OR6C75: variants seen among roughly 807,000 people sequenced by gnomAD.
OR6C75 encodes olfactory receptor 6C75.
For synonymous variants in OR6C75, 149 were observed against 130.6 expected (o/e 1.14, Z -0.96); for missense variants, 380 against 368.0 (o/e 1.03, Z -0.27).
Position 55,365,904 on chromosome 12 carries a change from G to T in OR6C75, c.794G>T (p.Arg265Met), listed in dbSNP as rs908497385. The T allele has an allele frequency of 1.9e-6, 3 of 1,613,842 alleles. No individual in the cohort carries two copies. The highest frequency in any genetic ancestry group is 2.2e-5 in the East Asian group (1 of 44,878). The change falls in exon 3 of 3, where the codon AGG becomes ATG. Residue 265 changes from arginine to methionine, a missense_variant. Physicochemically the swap from Arg to Met is moderately conservative, Grantham distance 91. Transcript: ENST00000641576. ...FMYIKTSARE[R>M]VTLSKGVAVL... ...TACATTAAGACTTCTGCCAGAGAAA[G>T]GGTGACTTTAAGCAAAGGAGTAGCT...
Position 55,365,671 on chromosome 12 carries a change from C to A in OR6C75, c.561C>A (p.Cys187Ter). ...CDSSPMLQLS[C>*]TNTHFLELMA... The stretch of plus-strand genomic sequence containing the variant: ...CTTCTCCAATGCTGCAGCTCTCTTG[C>A]ACAAACACTCACTTTCTAGAACTCA... Residue 187 changes from cysteine to a stop codon, truncating the protein, a stop_gained, in exon 3 of 3, where the codon TGC becomes TGA. Coordinates refer to ENST00000641576, the MANE Select transcript of OR6C75 (RefSeq NM_001005497.2). LOFTEE classifies it low-confidence loss of function (END_TRUNC). 6.2e-7 allele frequency: 1 copy of A among 1,614,132 alleles called. No homozygotes were observed. Among genetic ancestry groups the A allele is most frequent in the Non-Finnish European group, 8.5e-7 (1 of 1,180,006 alleles).
Position 55,365,460 on chromosome 12 carries a change from C to G in OR6C75, c.350C>G (p.Ser117Cys), listed in dbSNP as rs536581133. Residue 117 changes from serine (S) to cysteine (C), a missense_variant, in exon 3 of 3, where the codon TCC (serine) becomes TGC (cysteine). By Grantham distance (112) the Ser-to-Cys change is moderately radical. Coordinates refer to ENST00000641576, the MANE Select transcript of OR6C75 (RefSeq NM_001005497.2). ...GAATTTTACCTTCTGGCTGCCATGTCCTATGACCGCTGCATGGCCATCTGC... is the reference window on the plus strand; with the variant it reads ...GAATTTTACCTTCTGGCTGCCATGTGCTATGACCGCTGCATGGCCATCTGC... ...VTEFYLLAAMSYDRCMAICKP... is the reference protein window; with the variant it reads ...VTEFYLLAAMCYDRCMAICKP... 8.9e-5 allele frequency: 143 copies of G among 1,613,832 alleles called. No individual in the cohort carries two copies. Among genetic ancestry groups the G allele is most frequent in the Non-Finnish European group, 1.2e-4 (137 of 1,179,970 alleles).
At position 55,366,418 on chromosome 12, in the gene OR6C75, AC is replaced by A. The variant is rs1277887329; in HGVS notation, c.*370del. 2 of 152,800 alleles carry A rather than the reference AC, an allele frequency of 1.3e-5. No individual in the cohort carries two copies. The highest frequency in any genetic ancestry group is 4.8e-5 in the African/African-American group (2 of 41,470). The allele number at this position is 152,800 out of a possible 1,614,324, so 9.5% of individuals were successfully genotyped here. The stretch of plus-strand genomic sequence containing the variant: ...GCACAATGTGCACATGTACCTTAAA[AC>A]TTAAAGTATAATAAAAAATAATAAT... On this transcript the variant is annotated 3_prime_UTR_variant, in exon 3 of 3. Transcript: ENST00000641576.
In OR6C75 at chr12:55,365,668, T is replaced by G; in HGVS notation, c.558T>G (p.Ser186=). 1 of 1,614,178 alleles carries G rather than the reference T, an allele frequency of 6.2e-7. No individual in the cohort carries two copies. ...ACTCTTCTCCAATGCTGCAGCTCTC[T>G]TGCACAAACACTCACTTTCTAGAAC... ...ICDSSPMLQL[S]CTNTHFLELM... The change falls in exon 3 of 3, where the codon TCT becomes TCG. Residue 186 remains serine (S), a synonymous_variant. Transcript: ENST00000641576.
At chr12:55,364,589 A>T (rs984940233) in intron 2 of OR6C75, among the ~76,000 whole-genome samples, 1 of 151,660 alleles carries the variant, frequency 6.6e-6, no homozygotes, top group African/African-American at 2.4e-5. Flanking sequence ...AGCCTCCCAA[A>T]CTGCTGGGAT....
chr12:55,366,589 C>A lies in OR6C75; in HGVS notation c.*540C>A, dbSNP rs1264902282. 6.6e-6 allele frequency: 1 copy of A among 151,868 alleles called. No individual in the cohort carries two copies. Among genetic ancestry groups the A allele is most frequent in the Non-Finnish European group, 1.5e-5 (1 of 67,936 alleles). The allele number at this position is 151,868 out of a possible 1,614,324, so 9.4% of individuals were successfully genotyped here. On this transcript the variant is annotated 3_prime_UTR_variant, in exon 3 of 3. Transcript: ENST00000641576. ...TTAATTAATATATCTAAAATTTTTT[C>A]TTCAATGTCACCAGGAAAAACATGT...
In OR6C75 at chr12:55,365,647, T is replaced by G; in HGVS notation, c.537T>G (p.Ser179=). 6.2e-7 allele frequency: 1 copy of G among 1,614,132 alleles called. No homozygotes were observed. Among genetic ancestry groups the G allele is most frequent in the South Asian group, 1.1e-5 (1 of 91,084 alleles). Reference sequence around the variant, plus strand: ...TAATTGATCATTTTATCTGTGACTCTTCTCCAATGCTGCAGCTCTCTTGCA... The same window carrying G: ...TAATTGATCATTTTATCTGTGACTCGTCTCCAATGCTGCAGCTCTCTTGCA... The part of the protein sequence containing the change: ...SNVIDHFICD[S]SPMLQLSCTN... Residue 179 remains serine (S), a synonymous_variant, in exon 3 of 3, where the codon TCT becomes TCG. Coordinates refer to ENST00000641576, the MANE Select transcript of OR6C75 (RefSeq NM_001005497.2).
rs1869812361 is a variant in OR6C75, at chr12:55,366,611, A to T, written c.*562A>T. On this transcript the variant is annotated 3_prime_UTR_variant, in exon 3 of 3. Coordinates refer to ENST00000641576, the MANE Select transcript of OR6C75 (RefSeq NM_001005497.2). The stretch of plus-strand genomic sequence containing the variant: ...TTTCTTCAATGTCACCAGGAAAAAC[A>T]TGTTATAAAACTAAAAGCATCATTA... 1 of 152,248 alleles carries T rather than the reference A, an allele frequency of 6.6e-6. No homozygotes were observed. Among genetic ancestry groups the T allele is most frequent in the South Asian group, 2.1e-4 (1 of 4,826 alleles). The allele number at this position is 152,248 out of a possible 1,614,324, so 9.4% of individuals were successfully genotyped here. A position where few individuals can be genotyped will look rare whatever the true frequency, so the allele number is the denominator to read the frequency against.
Position 55,365,109 on chromosome 12 carries a change from T to A in OR6C75, c.-2T>A. The A allele has an allele frequency of 6.3e-7, 1 of 1,598,260 alleles. No individual in the cohort carries two copies. Among genetic ancestry groups the A allele is most frequent in the Non-Finnish European group, 8.5e-7 (1 of 1,172,572 alleles). ...CAGAATACTTTTCTAAAGAAAAAAA[T>A]AATGAGAAATTCCACAGCAGTAACA... On this transcript the variant is annotated 5_prime_UTR_variant, in exon 3 of 3. Transcript: ENST00000641576.
intron 2 of OR6C75, among the ~76,000 whole-genome samples, chr12:55,364,547 G>C (rs912820303): frequency 6.8e-6 from 1 of 147,592 alleles, no homozygotes; most frequent in Non-Finnish European, 1.5e-5. Context: ...GGCTGGTCTC[G>C]AACTCCTGAC....
At chr12:55,363,629 T>C (rs1330955657) in intron 1 of OR6C75, among the ~76,000 whole-genome samples, 164 bp from the exon 2 acceptor site, 2 of 151,990 alleles carry the variant, frequency 1.3e-5, no homozygotes, top group Admixed American at 6.6e-5. Flanking sequence ...AATAAGCATA[T>C]CTTTCTCCAC....
In OR6C75 at chr12:55,366,888, A is replaced by G. The variant is rs1296169630; in HGVS notation, c.*839A>G. ...ACAGAGAACTTTTCTGTTTCTGCCA[A>G]TATTTTAAAAGAAAAACCATGATCT... On this transcript the variant is annotated 3_prime_UTR_variant, in exon 3 of 3. Transcript: ENST00000641576. The G allele has an allele frequency of 6.6e-6, 1 of 152,124 alleles. No individual in the cohort carries two copies. The highest frequency in any genetic ancestry group is 1.5e-5 in the Non-Finnish European group (1 of 68,018). 9.4% of individuals were successfully genotyped at this position (152,124 alleles called of 1,614,324 possible).
In OR6C75 at chr12:55,366,105, A is replaced by G. The variant is rs1220344395; in HGVS notation, c.*56A>G. Reference sequence around the variant, plus strand: ...GGCAAAGCTGAATGAAAAACTCTCTACCCTTCTCTACATGAACTCTTTCTA... The same window carrying G: ...GGCAAAGCTGAATGAAAAACTCTCTGCCCTTCTCTACATGAACTCTTTCTA... On this transcript the variant is annotated 3_prime_UTR_variant, in exon 3 of 3. Coordinates refer to ENST00000641576, the MANE Select transcript of OR6C75 (RefSeq NM_001005497.2). 2 of 1,003,878 alleles carry G rather than the reference A, an allele frequency of 2.0e-6. No individual in the cohort carries two copies. Among genetic ancestry groups the G allele is most frequent in the African/African-American group, 1.6e-5 (1 of 61,630 alleles). The allele number at this position is 1,003,878 out of a possible 1,614,324, so 62.2% of individuals were successfully genotyped here.
At position 55,366,690 on chromosome 12, in the gene OR6C75, A is replaced by T. The variant is rs1869813762; in HGVS notation, c.*641A>T. 6.6e-6 allele frequency: 1 copy of T among 152,170 alleles called. No homozygotes were observed. The highest frequency in any genetic ancestry group is 1.5e-5 in the Non-Finnish European group (1 of 68,020). 9.4% of individuals were successfully genotyped at this position (152,170 alleles called of 1,614,324 possible). Reference sequence around the variant, plus strand: ...TGTAGTTAAAATGTGTGTAAACATTAAATAAAAGTGTAAGACAAATGTGCA... The same window carrying T: ...TGTAGTTAAAATGTGTGTAAACATTTAATAAAAGTGTAAGACAAATGTGCA... On this transcript the variant is annotated 3_prime_UTR_variant, in exon 3 of 3. Transcript: ENST00000641576.
Position 55,366,070 on chromosome 12 carries a change from T to A in OR6C75, c.*21T>A, listed in dbSNP as rs1292257185. 2 of 1,449,130 alleles carry A rather than the reference T, an allele frequency of 1.4e-6. No homozygotes were observed. Among genetic ancestry groups the A allele is most frequent in the Non-Finnish European group, 1.9e-6 (2 of 1,070,956 alleles). 89.8% of individuals were successfully genotyped at this position (1,449,130 alleles called of 1,614,324 possible). On this transcript the variant is annotated 3_prime_UTR_variant, in exon 3 of 3. Transcript: ENST00000641576. ...AATGAATGTGATTATGTAAAAAATG[T>A]ACCCCCAAAGGCAAAGCTGAATGAA...
Position 55,365,608 on chromosome 12 carries a change from C to G in OR6C75, c.498C>G (p.Phe166Leu), listed in dbSNP as rs1869779501. 6.2e-7 allele frequency: 1 copy of G among 1,614,030 alleles called. No individual in the cohort carries two copies. Among genetic ancestry groups the G allele is most frequent in the Non-Finnish European group, 8.5e-7 (1 of 1,180,012 alleles). The change falls in exon 3 of 3, where the codon TTC becomes TTG. Residue 166 changes from phenylalanine (F) to leucine (L), a missense_variant. Phe to Leu is a conservative substitution (Grantham distance 22). Transcript: ENST00000641576. ...PPVMLLLQLD[F>L]CASNVIDHFI... is the part of the protein sequence containing the mutation. ...TAATGCTTCTGCTGCAGTTGGATTTCTGTGCCTCCAATGTAATTGATCATT... is the reference window on the plus strand; with the variant it reads ...TAATGCTTCTGCTGCAGTTGGATTTGTGTGCCTCCAATGTAATTGATCATT...
chr12:55,364,938 A>G lies in OR6C75; in HGVS notation c.-173A>G, dbSNP rs1228331301. 3 of 582,762 alleles carry G rather than the reference A, an allele frequency of 5.1e-6. No homozygotes were observed. The highest frequency in any genetic ancestry group is 2.2e-5 in the South Asian group (1 of 44,902). 36.1% of individuals were successfully genotyped at this position (582,762 alleles called of 1,614,324 possible). A position where few individuals can be genotyped will look rare whatever the true frequency, so the allele number is the denominator to read the frequency against. The stretch of plus-strand genomic sequence containing the variant: ...TTATCCAGCCTCATAAAAGAAGGAG[A>G]TACTGCCACACTGCCATTTGTGACA... On this transcript the variant is annotated 5_prime_UTR_variant, in exon 3 of 3. Coordinates refer to ENST00000641576, the MANE Select transcript of OR6C75 (RefSeq NM_001005497.2).
In OR6C75 at chr12:55,365,940, C is replaced by T. The variant is rs939909076; in HGVS notation, c.830C>T (p.Thr277Ile). 3 of 1,613,320 alleles carry T rather than the reference C, an allele frequency of 1.9e-6. No individual in the cohort carries two copies. The highest frequency in any genetic ancestry group is 3.3e-5 in the Admixed American group (2 of 59,972). Reference protein sequence around the residue: ...TLSKGVAVLNTSVAPLLNPFI... With the variant: ...TLSKGVAVLNISVAPLLNPFI... ...AGCAAAGGAGTAGCTGTGCTCAATACCTCAGTGGCTCCTCTCTTGAATCCC... is the reference window on the plus strand; with the variant it reads ...AGCAAAGGAGTAGCTGTGCTCAATATCTCAGTGGCTCCTCTCTTGAATCCC... The change falls in exon 3 of 3, where the codon ACC becomes ATC. Residue 277 changes from threonine (T) to isoleucine (I), a missense_variant. Thr to Ile is a moderately conservative substitution (Grantham distance 89). Coordinates refer to ENST00000641576, the MANE Select transcript of OR6C75 (RefSeq NM_001005497.2).
Position 55,365,108 on chromosome 12 carries a change from A to T in OR6C75, c.-3A>T. On this transcript the variant is annotated 5_prime_UTR_variant, in exon 3 of 3. Transcript: ENST00000641576. Reference sequence around the variant, plus strand: ...ACAGAATACTTTTCTAAAGAAAAAAATAATGAGAAATTCCACAGCAGTAAC... The same window carrying T: ...ACAGAATACTTTTCTAAAGAAAAAATTAATGAGAAATTCCACAGCAGTAAC... The T allele has an allele frequency of 6.3e-7, 1 of 1,598,334 alleles. No homozygotes were observed. The highest frequency in any genetic ancestry group is 8.5e-7 in the Non-Finnish European group (1 of 1,172,656).
Sources: gnomAD v4.1 joint callset for allele counts (sites outside exome capture counted in the v4.1 genomes callset) on GRCh38, gnomAD v4.1.1 for gene constraint, MANE v1.5 for transcripts, NCBI Gene and HGNC (gene_info 2026-07-23, HGNC 2026-07-21) for gene names.